TMEM272: variants seen among roughly 807,000 people sequenced by gnomAD.
The protein encoded by TMEM272 is transmembrane protein 272.
A neutral mutation model predicts 3.7 loss-of-function variants in TMEM272; 8 were observed. The observed-to-expected ratio is 2.17, with a 90% confidence interval of 1.27 to 3.91. The LOEUF is 3.91. Ranked by LOEUF, TMEM272 falls within the 30% of genes most tolerant of loss-of-function variation. The probability of loss-of-function intolerance (pLI) is 0.00; values close to 1 mark genes in which losing one functional copy is unlikely to be tolerated. For missense variants in TMEM272, 166 were observed against 91.5 expected, an observed-to-expected ratio of 1.81 and a Z score of -3.32; for synonymous variants, 63 against 39.8, an observed-to-expected ratio of 1.58 and a Z score of -2.20.
upstream of TMEM272, among the ~76,000 whole-genome samples, chr13:51,849,580 G>C (rs114563497): frequency 6.6e-3 from 1,008 of 152,296 alleles, 14 homozygotes; most frequent in African/African-American, 0.023. Context: ...CTGTGGAACC[G>C]GGCAGTTGTC....
chr13:51,898,593 T>C, the TMEM272 span, among the ~76,000 whole-genome samples: 4 of 150,066 alleles, frequency 2.7e-5, no homozygotes, highest in East Asian at 3.9e-4. Context: ...AACTAAACAA[T>C]ATATGCAAAA....
chr13:51,837,923 A>G (rs1470266629), intron 2 of TMEM272, among the ~76,000 whole-genome samples: 1 of 152,132 alleles, frequency 6.6e-6, no homozygotes, highest in Non-Finnish European at 1.5e-5. Flanking sequence ...TAAAAGTTAG[A>G]CCATACATCT....
the TMEM272 span, among the ~76,000 whole-genome samples, chr13:51,868,707 C>T: frequency 6.6e-6 from 1 of 152,194 alleles, no homozygotes; most frequent in Non-Finnish European, 1.5e-5. Flanking sequence ...TATGGAGTGG[C>T]TCAGTCTCCC....
At chr13:51,837,965 C>A (rs1956229947) in intron 2 of TMEM272, among the ~76,000 whole-genome samples, 1 of 152,190 alleles carries the variant, frequency 6.6e-6, no homozygotes, top group South Asian at 2.1e-4. Context: ...ATCCCAGGGA[C>A]CCCCAAGGCC....
chr13:51,840,851 C>T (rs375094649), intron 1 of TMEM272, among the ~76,000 whole-genome samples: 3 of 152,336 alleles, frequency 2.0e-5, no homozygotes, highest in East Asian at 3.9e-4. Context: ...CACCACAGCC[C>T]TGAGGAAACC....
the TMEM272 span, among the ~76,000 whole-genome samples, chr13:51,931,898 C>T: frequency 1.3e-5 from 2 of 152,012 alleles, no homozygotes; most frequent in East Asian, 1.9e-4. Context: ...GGTACCAAGA[C>T]GTGGATATGG....
chr13:51,873,538 G>A, the TMEM272 span, among the ~76,000 whole-genome samples: 2 of 152,128 alleles, frequency 1.3e-5, no homozygotes, highest in Non-Finnish European at 2.9e-5. Context: ...TCAACCGGAG[G>A]GCTTGTTAAA....
intron 2 of TMEM272, among the ~76,000 whole-genome samples, chr13:51,834,212 C>T (rs1956196316): frequency 6.6e-6 from 1 of 152,184 alleles, no homozygotes; most frequent in Non-Finnish European, 1.5e-5. Flanking sequence ...GCGCACTTTT[C>T]TTCCAATAAA....
At chr13:51,898,857 C>T in the TMEM272 span, among the ~76,000 whole-genome samples, 1 of 151,982 alleles carries the variant, frequency 6.6e-6, no homozygotes, top group Non-Finnish European at 1.5e-5. Context: ...TCCTGATCTA[C>T]CACTCACTTG....
At chr13:51,894,802 T>C in the TMEM272 span, among the ~76,000 whole-genome samples, 2 of 152,100 alleles carry the variant, frequency 1.3e-5, no homozygotes, top group African/African-American at 4.8e-5. Context: ...GTGCACTTGA[T>C]TTCTATTATT....
the TMEM272 span, among the ~76,000 whole-genome samples, chr13:51,873,834 C>T: frequency 5.3e-5 from 8 of 152,336 alleles, no homozygotes; most frequent in Admixed American, 5.2e-4. Flanking sequence ...TTCTAGCAGA[C>T]TGTAAGGTGA....
the TMEM272 span, among the ~76,000 whole-genome samples, chr13:51,931,206 C>G: frequency 4.0e-5 from 6 of 150,640 alleles, no homozygotes; most frequent in African/African-American, 1.2e-4. Flanking sequence ...GGCTTGGAAC[C>G]AACGCAAATG....
the TMEM272 span, among the ~76,000 whole-genome samples, chr13:51,878,511 C>T: frequency 6.6e-6 from 1 of 152,228 alleles, no homozygotes; most frequent in African/African-American, 2.4e-5. Context: ...GGGGGGAATG[C>T]CCCCATGATC....
intron 2 of TMEM272, 51 bp from the exon 3 acceptor site, chr13:51,826,676 G>A: frequency 1.4e-6 from 1 of 701,820 alleles, no homozygotes; most frequent in Non-Finnish European, 2.6e-6. Context: ...ACAGACCCCT[G>A]CATTTCCTCT....
chr13:51,849,773 T>C (rs1348859535), upstream of TMEM272, among the ~76,000 whole-genome samples: 1 of 152,216 alleles, frequency 6.6e-6, no homozygotes, highest in Non-Finnish European at 1.5e-5. Flanking sequence ...TTCCTGTCCT[T>C]AACCTGGGCT....
chr13:51,858,151 A>C, the TMEM272 span, among the ~76,000 whole-genome samples: 1 of 152,346 alleles, frequency 6.6e-6, no homozygotes, highest in East Asian at 1.9e-4. Context: ...CTGCAAGTAC[A>C]TCTCTCTCAG....
chr13:51,832,111 T>C (rs919656745), intron 2 of TMEM272, among the ~76,000 whole-genome samples: 4 of 152,142 alleles, frequency 2.6e-5, no homozygotes, highest in African/African-American at 7.2e-5. Flanking sequence ...TCAGGGTGGC[T>C]TTTGGGTTGC....
chr13:51,883,699 T>C, the TMEM272 span, among the ~76,000 whole-genome samples: 2 of 152,220 alleles, frequency 1.3e-5, no homozygotes, highest in South Asian at 2.1e-4. Context: ...GGCTTTAAAC[T>C]GTCTTTGGTT....
At chr13:51,889,489 T>C in the TMEM272 span, among the ~76,000 whole-genome samples, 8 of 152,116 alleles carry the variant, frequency 5.3e-5, no homozygotes, top group Non-Finnish European at 1.0e-4. Flanking sequence ...GATGAGAAAG[T>C]GGCCATCTGC....
Sources: allele counts gnomAD v4.1 joint callset (sites outside exome capture counted in the v4.1 genomes callset), GRCh38; gene constraint gnomAD v4.1.1; transcripts MANE v1.5; gene names NCBI Gene and HGNC (gene_info 2026-07-23, HGNC 2026-07-21).